Variants in SSBP2 observed in about 807,000 individuals in gnomAD.
The protein encoded by SSBP2 is single-stranded DNA-binding protein 2.
A neutral mutation model predicts 61.8 loss-of-function variants in SSBP2; 17 were observed. The observed-to-expected ratio is 0.28, with a 90% CI of 0.19 to 0.41. SSBP2 has a LOEUF of 0.41. Ranked by LOEUF, SSBP2 falls within the 10% of genes least tolerant of loss-of-function variation. The probability of loss-of-function intolerance (pLI) is 1.00; values close to 1 mark genes in which losing one functional copy is unlikely to be tolerated. For missense variants in SSBP2, 310 were observed against 458.7 expected, an observed-to-expected ratio of 0.68 and a Z score of 2.96; for synonymous variants, 139 against 141.3, an observed-to-expected ratio of 0.98 and a Z score of 0.12.
chr5:81,435,768 A>G (rs1428169726), intron 15 of SSBP2, among the ~76,000 whole-genome samples: 2 of 152,228 alleles, frequency 1.3e-5, no homozygotes, highest in African/African-American at 4.8e-5. Flanking sequence ...GCCTAAAACT[A>G]TCTTGATGAT....
intron 6 of SSBP2, among the ~76,000 whole-genome samples, chr5:81,475,608 TCA>T (rs1285865672): frequency 6.6e-6 from 1 of 152,114 alleles, no homozygotes; most frequent in Non-Finnish European, 1.5e-5. Flanking sequence ...CAAACTTCTT[TCA>T]GTTTTTTTTC....
intron 4 of SSBP2, among the ~76,000 whole-genome samples, chr5:81,591,543 T>C (rs1169687198): frequency 6.6e-6 from 1 of 151,682 alleles, no homozygotes; most frequent in Non-Finnish European, 1.5e-5. Flanking sequence ...ATAGAAAAGG[T>C]GGACCACAAG....
chr5:81,457,270 C>T (rs1222150807), intron 10 of SSBP2, among the ~76,000 whole-genome samples: 3 of 151,382 alleles, frequency 2.0e-5, no homozygotes, highest in Non-Finnish European at 4.4e-5. Context: ...CCTAAACCCA[C>T]AGAATAAAAT....
intron 6 of SSBP2, among the ~76,000 whole-genome samples, chr5:81,479,495 T>C (rs1765824651): frequency 6.6e-6 from 1 of 152,102 alleles, no homozygotes. Flanking sequence ...TTCACCATTT[T>C]GGACCAGGCT....
At chr5:81,466,212 GAA>G in intron 9 of SSBP2, among the ~76,000 whole-genome samples, 1 of 152,096 alleles carries the variant, frequency 6.6e-6, no homozygotes, top group East Asian at 1.9e-4. Flanking sequence ...GTGAATTAAT[GAA>G]AGTCACTAAC....
chr5:81,552,249 G>A lies in SSBP2; in HGVS notation c.283-38532C>T, dbSNP rs191549584. Among the ~76,000 whole-genome samples, 168 of 152,260 alleles carry A rather than the reference G, an allele frequency of 1.1e-3. 1 individual carries two copies. The highest frequency in any genetic ancestry group is 3.9e-3 in the African/African-American group (164 of 41,556). On this transcript the variant is annotated intron_variant, in intron 4 of 16. Transcript: ENST00000320672. ...TGACATAGCTGGGTTCATATAATAT[G>A]TATTTAGAATAAATATCTATAGTTA... is the stretch of plus-strand genomic sequence containing the variant.
chr5:81,507,430 AG>A (rs1355104950), intron 5 of SSBP2, among the ~76,000 whole-genome samples: 1 of 152,188 alleles, frequency 6.6e-6, no homozygotes, highest in Non-Finnish European at 1.5e-5. Context: ...CTAAAGATCT[AG>A]TGACTAAAAT....
intron 4 of SSBP2, among the ~76,000 whole-genome samples, chr5:81,533,247 A>G (rs927529509): frequency 1.3e-5 from 2 of 152,004 alleles, no homozygotes. Context: ...AAAATCTCCA[A>G]TCATTTGGAA....
intron 4 of SSBP2, among the ~76,000 whole-genome samples, chr5:81,601,487 C>G (rs917268385): frequency 6.6e-6 from 1 of 152,060 alleles, no homozygotes; most frequent in African/African-American, 2.4e-5. Context: ...TAGATTATAT[C>G]GAGGTCAATA....
rs1561385111 is a variant in SSBP2, at chr5:81,428,615, T to C, written c.1026A>G (p.Gly342=). The stretch of plus-strand genomic sequence containing the variant: ...CACTCTGAAAAGGATTTAAGAAATT[T>C]CCCCCCATTTCGCCATCATCCCTTG... Residue 342 remains glycine, a synonymous_variant, in exon 16 of 17, where the codon GGA becomes GGG. Transcript: ENST00000320672. The C allele has an allele frequency of 6.2e-7, 1 of 1,613,230 alleles. No homozygotes were observed. Among genetic ancestry groups the C allele is most frequent in the Non-Finnish European group, 8.5e-7 (1 of 1,179,412 alleles).
At chr5:81,447,815 G>A (rs1471375834) in intron 11 of SSBP2, 1 of 151,916 alleles carries the variant, frequency 6.6e-6, no homozygotes, top group African/African-American at 2.4e-5. Flanking sequence ...TTCATTAGTG[G>A]CTTTAAGAAA....
intron 4 of SSBP2, among the ~76,000 whole-genome samples, chr5:81,539,207 T>C (rs1045470128): frequency 2.0e-5 from 3 of 152,170 alleles, no homozygotes; most frequent in African/African-American, 7.2e-5. Context: ...TTTAAGGGGT[T>C]CAAGACTTGA....
At chr5:81,484,159 T>C (rs866884707) in intron 6 of SSBP2, among the ~76,000 whole-genome samples, 2 of 152,186 alleles carry the variant, frequency 1.3e-5, no homozygotes, top group East Asian at 3.8e-4. Flanking sequence ...TGATTTTGGA[T>C]AGCCCTGTGA....
chr5:81,714,860 G>A (rs1025810259), intron 1 of SSBP2, among the ~76,000 whole-genome samples: 1 of 152,030 alleles, frequency 6.6e-6, no homozygotes, highest in Non-Finnish European at 1.5e-5. Flanking sequence ...TAAAGCAACG[G>A]CAACAAAAGC....
intron 1 of SSBP2, among the ~76,000 whole-genome samples, chr5:81,746,524 G>A (rs1757358891): frequency 6.6e-6 from 1 of 152,072 alleles, no homozygotes; most frequent in Non-Finnish European, 1.5e-5. Flanking sequence ...CCTTAATGAT[G>A]GGGGAATGCT....
At position 81,595,135 on chromosome 5, in the gene SSBP2, G is replaced by A. The variant is rs1365844292; in HGVS notation, c.282+20338C>T. Among the ~76,000 whole-genome samples, 27 of 151,996 alleles carry A rather than the reference G, an allele frequency of 1.8e-4. No homozygotes were observed. In the East Asian group the frequency reaches 2.5e-3, roughly 14 times the overall value. On this transcript the variant is annotated intron_variant, in intron 4 of 16. Coordinates refer to ENST00000320672, the MANE Select transcript of SSBP2 (RefSeq NM_012446.5). ...AAGAAGAGAGAAGAATCAAATAGAC[G>A]CAATAAAAAATGATAAAGGGGATAT... is the stretch of plus-strand genomic sequence containing the variant.
intron 4 of SSBP2, among the ~76,000 whole-genome samples, chr5:81,582,922 C>T (rs941616593): frequency 7.9e-5 from 12 of 151,826 alleles, no homozygotes; most frequent in Non-Finnish European, 5.9e-5. Context: ...TATAGATTTC[C>T]TAAAATATAA....
intron 10 of SSBP2, among the ~76,000 whole-genome samples, chr5:81,454,454 G>A (rs1051719111): frequency 1.3e-5 from 2 of 152,216 alleles, no homozygotes; most frequent in Admixed American, 1.3e-4. Context: ...GCCAAGGTGG[G>A]TGGATCACCT....
At chr5:81,698,636 A>G (rs972827432) in intron 1 of SSBP2, among the ~76,000 whole-genome samples, 2 of 152,084 alleles carry the variant, frequency 1.3e-5, no homozygotes, top group African/African-American at 4.8e-5. Context: ...ACAAGGTAAA[A>G]CCCTGTCTCT....
Sources: allele counts gnomAD v4.1 joint callset (sites outside exome capture counted in the v4.1 genomes callset), GRCh38; gene constraint gnomAD v4.1.1; transcripts MANE v1.5; gene names NCBI Gene and HGNC (gene_info 2026-07-23, HGNC 2026-07-21).